TAF1: variants seen among roughly 807,000 people sequenced by gnomAD.
TAF1 encodes the protein TATA-box binding protein associated factor 1, also known as transcription initiation factor TFIID subunit 1.
Under a neutral mutation model 138.5 loss-of-function variants are expected in TAF1, and 2 were observed. The observed-to-expected ratio is 0.01, with a 90% CI of 0.01 to 0.05. The LOEUF is 0.05. Ranked by LOEUF, TAF1 falls within the 10% of genes least tolerant of loss-of-function variation. The pLI is 1.00. For synonymous variants in TAF1, 437 were observed against 503.2 expected, an observed-to-expected ratio of 0.87 and a Z score of 1.76; for missense variants, 709 against 1,478.0, an observed-to-expected ratio of 0.48 and a Z score of 8.53.
chrX:71,529,786 G>A (rs1335087714), exon 15 of TAF1: 3 of 326,768 alleles, frequency 9.2e-6, no homozygotes, highest in East Asian at 9.8e-5. Flanking sequence ...GAGTCTCTTC[G>A]TCTCATCTCC....
intron 1 of TAF1, 88 bp downstream of exon 1, chrX:71,366,582 C>A (rs376306205): frequency 1.1e-6 from 1 of 932,256 alleles, no homozygotes; most frequent in Non-Finnish European, 1.5e-6. Flanking sequence ...GGTGCTCAGG[C>A]AGCGAGAACA....
At chrX:71,452,352 C>T (rs1298678560) in intron 32 of TAF1, among the ~76,000 whole-genome samples, 1 of 109,377 alleles carries the variant, frequency 9.1e-6, no homozygotes, top group Non-Finnish European at 1.9e-5. Flanking sequence ...GACGGGGCAG[C>T]CGGGCAGAGA....
intron 20 of TAF1, 59 bp from the exon 21 acceptor site, chrX:71,393,224 TTGTGTGTGTGTGTGTGTG>T (rs201372159): frequency 1.7e-5 from 16 of 955,832 alleles, no homozygotes; most frequent in Middle Eastern, 5.8e-4. Context: ...CCTGAATGAT[TTGTGTGTGTGTGTGTGTG>T]TGTGTGTGTG....
intron 13 of TAF1, among the ~76,000 whole-genome samples, chrX:71,474,006 G>C (rs1243157323): frequency 9.0e-6 from 1 of 110,868 alleles, no homozygotes; most frequent in Non-Finnish European, 1.9e-5. Context: ...TTAGCTGGGC[G>C]TGGTGTCGGG....
chrX:71,392,123 A>G (rs2034597892), intron 18 of TAF1, among the ~76,000 whole-genome samples: 1 of 112,164 alleles, frequency 8.9e-6, no homozygotes, highest in African/African-American at 3.2e-5. Context: ...GAAAGCAAGC[A>G]TGTCAAGTAT....
At chrX:71,457,276 G>C (rs2038349149) in intron 34 of TAF1, among the ~76,000 whole-genome samples, 1 of 112,437 alleles carries the variant, frequency 8.9e-6, no homozygotes, top group Non-Finnish European at 1.9e-5. Flanking sequence ...ATGTTTGTTA[G>C]AGAAAACTGG....
At chrX:71,388,627 C>T in intron 16 of TAF1, 111 bp from the exon 17 acceptor site, 1 of 1,063,511 alleles carries the variant, frequency 9.4e-7, no homozygotes, top group Non-Finnish European at 1.3e-6. Flanking sequence ...GTCATGCCAA[C>T]TGTGGCTAGG....
intron 13 of TAF1, among the ~76,000 whole-genome samples, chrX:71,489,443 G>A (rs936508434): frequency 9.0e-5 from 10 of 111,117 alleles, no homozygotes; most frequent in African/African-American, 2.3e-4. Context: ...TTGGGAGACC[G>A]AGGCAGGCGG....
At chrX:71,381,581 A>C (rs763842554) in intron 8 of TAF1, among the ~76,000 whole-genome samples, 162 bp from the exon 9 acceptor site, 1 of 112,750 alleles carries the variant, frequency 8.9e-6, no homozygotes, top group South Asian at 3.6e-4. Flanking sequence ...ATTATTTTAA[A>C]GTGAGAAATA....
intron 1 of TAF1, 42 bp from the exon 2 acceptor site, chrX:71,367,457 A>G (rs1295060798): frequency 8.4e-7 from 1 of 1,186,600 alleles, no homozygotes; most frequent in African/African-American, 1.8e-5. Context: ...TGGGAGTCGT[A>G]GGTTTAGTTG....
intron 32 of TAF1, among the ~76,000 whole-genome samples, chrX:71,448,752 G>GT (rs199957681): frequency 7.0e-4 from 73 of 104,935 alleles, no homozygotes; most frequent in African/African-American, 1.1e-3. Flanking sequence ...GTAAGTGTGG[G>GT]TTTTTTTTTT....
At chrX:71,477,042 G>C (rs2038991872) in intron 13 of TAF1, among the ~76,000 whole-genome samples, 1 of 109,183 alleles carries the variant, frequency 9.2e-6, no homozygotes, top group African/African-American at 3.3e-5. Flanking sequence ...AGGTTCAAGT[G>C]ATTCTCCTGT....
At chrX:71,499,250 GGTTT>G (rs2039452593) in intron 13 of TAF1, among the ~76,000 whole-genome samples, 1 of 111,453 alleles carries the variant, frequency 9.0e-6, no homozygotes, top group Admixed American at 9.6e-5. Flanking sequence ...GAACCACCCA[GGTTT>G]GTTTGTCTGA....
chrX:71,496,519 CTCTT>C (rs1392621357), intron 13 of TAF1, among the ~76,000 whole-genome samples: 1 of 111,419 alleles, frequency 9.0e-6, no homozygotes, highest in Non-Finnish European at 1.9e-5. Flanking sequence ...CTCTTTCTCT[CTCTT>C]TGACTCTTTC....
At chrX:71,501,329 T>C (rs2039502433) in intron 13 of TAF1, among the ~76,000 whole-genome samples, 1 of 111,114 alleles carries the variant, frequency 9.0e-6, no homozygotes, top group Non-Finnish European at 1.9e-5. Context: ...TATGTCTTTC[T>C]GATTGCTGAG....
At chrX:71,514,938 T>G (rs1301470987) in intron 13 of TAF1, among the ~76,000 whole-genome samples, 1 of 111,407 alleles carries the variant, frequency 9.0e-6, no homozygotes, top group Non-Finnish European at 1.9e-5. Flanking sequence ...ACGCTAAGTG[T>G]GAGTACAGGA....
intron 29 of TAF1, among the ~76,000 whole-genome samples, chrX:71,421,647 TAGAA>T (rs1391575556): frequency 8.0e-5 from 9 of 111,877 alleles, no homozygotes; most frequent in Non-Finnish European, 1.1e-4. Context: ...CATAACTCAT[TAGAA>T]AGGGCAAAGG....
chrX:71,377,815 T>C lies in TAF1; in HGVS notation c.927T>C (p.Asp309=). ...CACCTCCAGAGCAGTGTCTCTCTGA[T>C]GATGAAGTAGGCAAAATAGAGACCT... ...PPPPPEQCLS[D]DEITMMAPVE... is the part of the protein sequence containing the mutation. The change falls in exon 6 of 38, where the codon GAT becomes GAC. Residue 309 remains aspartate (D), a synonymous_variant. Transcript: ENST00000423759. 1.7e-6 allele frequency: 2 copies of C among 1,202,642 alleles called. No homozygotes were observed. Among genetic ancestry groups the C allele is most frequent in the Non-Finnish European group, 2.2e-6 (2 of 891,920 alleles).
chrX:71,367,664 T>G (rs202173007), intron 2 of TAF1, 51 bp downstream of exon 2: 11 of 1,154,366 alleles, frequency 9.5e-6, no homozygotes, highest in Non-Finnish European at 1.3e-5. Flanking sequence ...AGCCACCTAC[T>G]ATGTATGTAC....
Sources: allele counts gnomAD v4.1 joint callset (sites outside exome capture counted in the v4.1 genomes callset), GRCh38; gene constraint gnomAD v4.1.1; transcripts MANE v1.5; gene names NCBI Gene and HGNC (gene_info 2026-07-23, HGNC 2026-07-21).